Variants in SPTBN1 observed in about 807,000 individuals in gnomAD.
The protein encoded by SPTBN1 is spectrin beta chain, non-erythrocytic 1.
SPTBN1 carries 32 observed loss-of-function variants against 266.4 expected under a neutral mutation model. The observed-to-expected ratio is 0.12, with a 90% CI of 0.09 to 0.16. SPTBN1 has a LOEUF of 0.16. Ranked by LOEUF, SPTBN1 falls within the 10% of genes least tolerant of loss-of-function variation. The pLI is 1.00. For missense variants in SPTBN1, 2,296 were observed against 3,067.1 expected (o/e 0.75, Z 5.94); for synonymous variants, 1,336 against 1,162.2 (o/e 1.15, Z -3.04).
At chr2:54,505,364 A>C (rs957853700) in intron 1 of SPTBN1, among the ~76,000 whole-genome samples, 2 of 152,208 alleles carry the variant, frequency 1.3e-5, no homozygotes, top group Admixed American at 1.3e-4. Context: ...ATGGTCATTT[A>C]ACAGGTCATT....
At chr2:54,659,353 T>A in intron 31 of SPTBN1, 87 bp downstream of exon 31, 2 of 1,290,124 alleles carry the variant, frequency 1.6e-6, no homozygotes, top group Non-Finnish European at 2.2e-6. Context: ...CTTGCATTGC[T>A]AGGCCTAACC....
chr2:54,620,170 T>C (rs1572694344), intron 7 of SPTBN1, among the ~76,000 whole-genome samples: 2 of 152,244 alleles, frequency 1.3e-5, no homozygotes, highest in African/African-American at 4.8e-5. Flanking sequence ...TGGAGTGGCA[T>C]AGGGGCTTGC....
In SPTBN1 at chr2:54,486,901, A is replaced by C. The variant is rs564748780; in HGVS notation, c.-48+30383A>C. Among the ~76,000 whole-genome samples the C allele has an allele frequency of 7.2e-5, 11 of 152,180 alleles. No individual in the cohort carries two copies. In the East Asian group the frequency reaches 1.9e-3, roughly 27 times the overall value. On this transcript the variant is annotated intron_variant, in intron 1 of 35. Coordinates refer to ENST00000356805, the MANE Select transcript of SPTBN1 (RefSeq NM_003128.3). Reference sequence around the variant, plus strand: ...GGTCTTCTGATGCTTGTATTGAAAAAACTGCTTTTGCTTTGTAACAAGCAA... The same window carrying C: ...GGTCTTCTGATGCTTGTATTGAAAACACTGCTTTTGCTTTGTAACAAGCAA...
Position 54,664,552 on chromosome 2 carries a change from C to G in SPTBN1, c.6520C>G (p.Arg2174Gly). Reference sequence around the variant, plus strand: ...CCCCATCCCCTCCCCGACCTCTGATCGTAAAGCCAAGACTGCCCTCCCAGC... The same window carrying G: ...CCCCATCCCCTCCCCGACCTCTGATGGTAAAGCCAAGACTGCCCTCCCAGC... ...SSPIPSPTSD[R>G]KAKTALPAQS... Residue 2174 changes from arginine (R) to glycine (G), a missense_variant, in exon 33 of 36, where the codon CGT becomes GGT. Arg to Gly is a moderately radical substitution (Grantham distance 125, BLOSUM62 -2). This residue lies in a region of SPTBN1 where 347 missense variants were observed against 368.5 expected (regional missense o/e 0.94). Transcript: ENST00000356805. This position sits in a 1 kb window ranked among gnomAD's most constrained non-coding sequence, Gnocchi z 5.6. 1.9e-6 allele frequency: 3 copies of G among 1,614,164 alleles called. No individual in the cohort carries two copies. The highest frequency in any genetic ancestry group is 1.3e-5 in the African/African-American group (1 of 75,060).
chr2:54,522,660 GA>G (rs1185749606), intron 1 of SPTBN1, among the ~76,000 whole-genome samples: 129 of 97,518 alleles, frequency 1.3e-3, no homozygotes, highest in African/African-American at 4.6e-3. Context: ...GAGAGAGAAA[GA>G]GAGAGAGAGA....
rs1446373329 is a variant in SPTBN1 at position 54,669,162 on chromosome 2, A to G, written c.*593A>G. 6.6e-6 allele frequency: 1 copy of G among 152,636 alleles called. No individual in the cohort carries two copies. Among genetic ancestry groups the G allele is most frequent in the Non-Finnish European group, 1.5e-5 (1 of 68,362 alleles). The allele number at this position is 152,636 out of a possible 1,614,324, so 9.5% of individuals were successfully genotyped here. On this transcript the variant is annotated 3_prime_UTR_variant, in exon 36 of 36. Transcript: ENST00000356805. ...CACGACATGCGGCTTTTCTGCATCAACTGCTATGACGGTTAAGAATGTCAG... is the reference window on the plus strand; with the variant it reads ...CACGACATGCGGCTTTTCTGCATCAGCTGCTATGACGGTTAAGAATGTCAG...
intron 1 of SPTBN1, among the ~76,000 whole-genome samples, chr2:54,462,060 A>G (rs540983921): frequency 1.3e-5 from 2 of 152,358 alleles, no homozygotes; most frequent in African/African-American, 4.8e-5. Flanking sequence ...CCTTATGGCT[A>G]CCACTAGGTA....
chr2:54,597,077 G>A (rs1193768769), intron 2 of SPTBN1, among the ~76,000 whole-genome samples: 1 of 152,148 alleles, frequency 6.6e-6, no homozygotes, highest in Non-Finnish European at 1.5e-5. Context: ...TTTTCATTTT[G>A]ATCTTGCTCC....
intron 2 of SPTBN1, among the ~76,000 whole-genome samples, chr2:54,597,964 A>C (rs1676212911): frequency 7.1e-6 from 1 of 141,062 alleles, no homozygotes; most frequent in South Asian, 2.2e-4. Flanking sequence ...GCATAAATTC[A>C]TGCTGGTGGA....
At chr2:54,643,353 C>G (rs899857087) in intron 19 of SPTBN1, among the ~76,000 whole-genome samples, 1 of 152,172 alleles carries the variant, frequency 6.6e-6, no homozygotes, top group Non-Finnish European at 1.5e-5. Flanking sequence ...CTTGATTTAT[C>G]GTAGAACGAA....
In SPTBN1 at chr2:54,631,391, A is replaced by C; in HGVS notation, c.3344A>C (p.Glu1115Ala). The C allele has an allele frequency of 3.1e-6, 5 of 1,614,240 alleles. No individual in the cohort carries two copies. The highest frequency in any genetic ancestry group is 4.2e-6 in the Non-Finnish European group (5 of 1,180,028). The change falls in exon 16 of 36, where the codon GAG (glutamate) becomes GCG (alanine). Residue 1115 changes from glutamate (E) to alanine (A), a missense_variant. Glu to Ala is a moderately radical substitution (Grantham distance 107). This residue lies in a region of SPTBN1 where 386 missense variants were observed against 486.1 expected (regional missense o/e 0.79). Transcript: ENST00000356805. ...ATCAAGAACGAGATCGACAACTACG[A>C]GGAGGACTACCAGAAGATGAGGGAC... Reference protein sequence around the residue: ...ENIKNEIDNYEEDYQKMRDMG... With the variant: ...ENIKNEIDNYAEDYQKMRDMG...
Position 54,625,997 on chromosome 2 carries a change from A to G in SPTBN1, c.1407A>G (p.Thr469=). 6.2e-7 allele frequency: 1 copy of G among 1,614,222 alleles called. No individual in the cohort carries two copies. Among genetic ancestry groups the G allele is most frequent in the Non-Finnish European group, 8.5e-7 (1 of 1,180,042 alleles). Residue 469 remains threonine, a synonymous_variant, in exon 12 of 36, where the codon ACA becomes ACG. Coordinates refer to ENST00000356805, the MANE Select transcript of SPTBN1 (RefSeq NM_003128.3). ...AATKKHEAIE[T]DIAAYEERVQ... ...CAAAAAAGCACGAGGCCATTGAGAC[A>G]GACATTGCCGCATACGAGGAGCGTG...
intron 2 of SPTBN1, among the ~76,000 whole-genome samples, chr2:54,537,357 C>T (rs1284612625): frequency 1.3e-5 from 2 of 152,234 alleles, no homozygotes; most frequent in East Asian, 3.9e-4. Context: ...TTTTGATTGA[C>T]CCGGAAGATC....
chr2:54,534,969 C>G (rs921466083), intron 2 of SPTBN1: 1 of 152,196 alleles, frequency 6.6e-6, no homozygotes, highest in African/African-American at 2.4e-5. Context: ...TCCTGTTCCA[C>G]CCCTAGCCTT....
chr2:54,568,743 G>A (rs2104510301), intron 2 of SPTBN1, among the ~76,000 whole-genome samples: 1 of 152,342 alleles, frequency 6.6e-6, no homozygotes, highest in South Asian at 2.1e-4. Context: ...CCCTGGGTCA[G>A]TTTCTCTAAA....
Position 54,558,920 on chromosome 2 carries a change from G to A in SPTBN1, c.148+32354G>A. The A allele has an allele frequency of 2.5e-6, 4 of 1,598,630 alleles. No homozygotes were observed. The South Asian group carries it at 4.5e-5, about 18-fold the overall frequency. On this transcript the variant is annotated intron_variant, in intron 2 of 35. Coordinates refer to ENST00000356805, the MANE Select transcript of SPTBN1 (RefSeq NM_003128.3). This position sits in a 1 kb window ranked among gnomAD's most constrained non-coding sequence, Gnocchi z 4.6. ...CCCTCCCAAAGGCCGGGCCTGTCCTGGGTGCCAACGGGGGTTCTTGGAGGC... is the reference window on the plus strand; with the variant it reads ...CCCTCCCAAAGGCCGGGCCTGTCCTAGGTGCCAACGGGGGTTCTTGGAGGC...
intron 1 of SPTBN1, among the ~76,000 whole-genome samples, chr2:54,464,201 C>T (rs990371827): frequency 7.9e-5 from 12 of 152,002 alleles, no homozygotes. Context: ...TGGTAACCTA[C>T]AAAAACAATT....
intron 1 of SPTBN1, among the ~76,000 whole-genome samples, chr2:54,505,900 G>A (rs1208405187): frequency 2.0e-5 from 3 of 151,962 alleles, no homozygotes; most frequent in African/African-American, 7.3e-5. Flanking sequence ...TGAGGCGGGC[G>A]GATCTCGAGG....
chr2:54,475,639 A>G (rs1283120906), intron 1 of SPTBN1, among the ~76,000 whole-genome samples: 1 of 152,200 alleles, frequency 6.6e-6, no homozygotes, highest in South Asian at 2.1e-4. Context: ...TGAGCCACAG[A>G]ACGGCATTCT....
Sources: allele counts gnomAD v4.1 joint callset (sites outside exome capture counted in the v4.1 genomes callset), GRCh38; gene constraint gnomAD v4.1.1; regional missense constraint gnomAD v4.1.1; non-coding constraint Gnocchi (gnomAD v3.1); transcripts MANE v1.5; gene names NCBI Gene and HGNC (gene_info 2026-07-23, HGNC 2026-07-21).